Variants in NPEPPS observed in about 807,000 individuals in gnomAD.
The protein encoded by NPEPPS is aminopeptidase puromycin sensitive.
Under a neutral mutation model 115.5 loss-of-function variants are expected in NPEPPS, and 14 were observed. That is an observed-to-expected ratio of 0.12 (90% CI 0.08 to 0.19). The LOEUF is 0.19. NPEPPS is among the 10% of genes least tolerant of loss of function. NPEPPS has a pLI of 1.00. For synonymous variants in NPEPPS, 285 were observed against 390.6 expected (o/e 0.73, Z 3.19); for missense variants, 523 against 1,110.8 (o/e 0.47, Z 7.52).
chr17:47,596,114 C>A, intron 12 of NPEPPS: 1 of 325,424 alleles, frequency 3.1e-6, no homozygotes, highest in Non-Finnish European at 5.8e-6. Flanking sequence ...GATTATGCCA[C>A]TGCACTCTAG....
intron 1 of NPEPPS, among the ~76,000 whole-genome samples, chr17:47,538,893 GTGCCTTGTTGC>G (rs1241476646): frequency 6.6e-6 from 1 of 152,000 alleles, no homozygotes; most frequent in African/African-American, 2.4e-5. Context: ...GCTGCTTATT[GTGCCTTGTTGC>G]TGCCTGTTGT....
At chr17:47,581,024 A>C (rs1398832492) in intron 4 of NPEPPS, 1 of 152,216 alleles carries the variant, frequency 6.6e-6, no homozygotes, top group Non-Finnish European at 1.5e-5. Flanking sequence ...CATGAGTAAT[A>C]GGCCCAGCTC....
intron 6 of NPEPPS, 177 bp from the exon 7 acceptor site, chr17:47,585,971 A>G (rs1912150852): frequency 1.8e-6 from 1 of 567,908 alleles, no homozygotes; most frequent in Non-Finnish European, 3.1e-6. Flanking sequence ...AATGGATTAA[A>G]GTTTGGCCAT....
chr17:47,529,228 A>T (rs2611988), upstream of NPEPPS, among the ~76,000 whole-genome samples: 1 of 152,024 alleles, frequency 6.6e-6, no homozygotes, highest in African/African-American at 2.4e-5. Context: ...TAACATTTTT[A>T]AAATTGTTAT....
intron 2 of NPEPPS, among the ~76,000 whole-genome samples, chr17:47,554,338 C>G (rs1909859903): frequency 6.6e-6 from 1 of 151,888 alleles, no homozygotes. Context: ...CCGCGCCCAG[C>G]CAATATCTTC....
intron 5 of NPEPPS, among the ~76,000 whole-genome samples, chr17:47,583,365 G>A (rs1415732674): frequency 6.6e-6 from 1 of 151,988 alleles, no homozygotes; most frequent in Non-Finnish European, 1.5e-5. Context: ...TAGGCAGATC[G>A]CTTGAGGTCA....
chr17:47,611,983 G>GTTA (rs969946372), intron 17 of NPEPPS, among the ~76,000 whole-genome samples: 3 of 152,170 alleles, frequency 2.0e-5, no homozygotes, highest in African/African-American at 7.2e-5. Context: ...TGACTAATGT[G>GTTA]TTAAACATCT....
At chr17:47,589,007 C>G (rs1912351142) in intron 9 of NPEPPS, among the ~76,000 whole-genome samples, 1 of 152,304 alleles carries the variant, frequency 6.6e-6, no homozygotes, top group Admixed American at 6.5e-5. Flanking sequence ...GTCTTTACCT[C>G]TGGGCTCAAG....
intron 1 of NPEPPS, among the ~76,000 whole-genome samples, chr17:47,539,977 T>C (rs1908634273): frequency 6.6e-6 from 1 of 152,180 alleles, no homozygotes; most frequent in Non-Finnish European, 1.5e-5. Context: ...TCTCAGGACA[T>C]TGACAATCAG....
At chr17:47,618,506 T>A (rs762396828) in intron 20 of NPEPPS, 49 bp downstream of exon 20, 5 of 1,259,472 alleles carry the variant, frequency 4.0e-6, no homozygotes, top group South Asian at 3.6e-5. Flanking sequence ...TACCCATCTC[T>A]GAGAAGTGTC....
Position 47,542,505 on chromosome 17 carries a change from C to A in NPEPPS, c.256-3404C>A, listed in dbSNP as rs565871229. 1.4e-3 allele frequency among the ~76,000 whole-genome samples: 214 copies of A among 148,084 alleles called. 1 individual carries two copies. The highest frequency in any genetic ancestry group is 7.4e-4 in the Non-Finnish European group (50 of 67,526). On this transcript the variant is annotated intron_variant, in intron 1 of 22. Coordinates refer to ENST00000322157, the MANE Select transcript of NPEPPS (RefSeq NM_006310.4). ...AGGTTGCGGTGAGCCGAGATCACGC[C>A]ATTGCACTCCAGCCTGGGCAACAAG...
At chr17:47,529,401 G>A (rs566759203), upstream of NPEPPS, among the ~76,000 whole-genome samples, 3 of 143,182 alleles carry the variant, frequency 2.1e-5, no homozygotes, top group South Asian at 6.7e-4. Context: ...CCACACCTGG[G>A]CCCACTTTTT....
At position 47,606,600 on chromosome 17, in the gene NPEPPS, G is replaced by A. The variant is rs576284987; in HGVS notation, c.2095+1048G>A. Among the ~76,000 whole-genome samples, 65 of 151,994 alleles carry A rather than the reference G, an allele frequency of 4.3e-4. 2 individuals carry two copies. In the South Asian group the frequency reaches 0.012, roughly 29 times the overall value. ...AGCCTCCCGAGTAGCATACCACCAC[G>A]CCTGCCTAATTTTTGTATTTTTAGT... On this transcript the variant is annotated intron_variant, in intron 17 of 22. Coordinates refer to ENST00000322157, the MANE Select transcript of NPEPPS (RefSeq NM_006310.4).
intron 2 of NPEPPS, among the ~76,000 whole-genome samples, chr17:47,565,630 G>A (rs1233808401): frequency 2.6e-5 from 4 of 151,774 alleles, no homozygotes; most frequent in African/African-American, 9.7e-5. Context: ...GGCCAGCCTG[G>A]GCAACATGGT....
At chr17:47,534,938 C>T (rs1394495164) in intron 1 of NPEPPS, among the ~76,000 whole-genome samples, 2 of 151,886 alleles carry the variant, frequency 1.3e-5, no homozygotes, top group African/African-American at 4.8e-5. Flanking sequence ...AGTCCATGTT[C>T]AGTGATTTAA....
intron 2 of NPEPPS, among the ~76,000 whole-genome samples, chr17:47,567,239 A>G (rs1412754037): frequency 6.6e-6 from 1 of 152,226 alleles, no homozygotes; most frequent in African/African-American, 2.4e-5. Context: ...AAAATGAGGA[A>G]GATTTGATTA....
chr17:47,535,540 G>A (rs35794672), intron 1 of NPEPPS, among the ~76,000 whole-genome samples: 64,575 of 140,482 alleles, frequency 0.46, 15,512 homozygotes, highest in South Asian at 0.57. Context: ...ACAGAGCGAG[G>A]CTCCGTCTCA....
At chr17:47,575,339 C>T (rs1326720477) in intron 3 of NPEPPS, among the ~76,000 whole-genome samples, 2 of 151,920 alleles carry the variant, frequency 1.3e-5, no homozygotes, top group Non-Finnish European at 2.9e-5. Context: ...ATATTGGAGG[C>T]CATTTATTAT....
In NPEPPS at chr17:47,619,180, T is replaced by C. The variant is rs1271802169; in HGVS notation, c.2559+16T>C. 1 of 1,602,560 alleles carries C rather than the reference T, an allele frequency of 6.2e-7. No homozygotes were observed. The highest frequency in any genetic ancestry group is 1.7e-5 in the Admixed American group (1 of 58,410). ...ACTAATAAAGGTATGTGAAAAACTT[T>C]GAGTAGCTTGCTAATCATGGATATT... On this transcript the variant is annotated intron_variant, in intron 21 of 22. Transcript: ENST00000322157.
Sources: gnomAD v4.1 joint callset for allele counts (sites outside exome capture counted in the v4.1 genomes callset) on GRCh38, gnomAD v4.1.1 for gene constraint, MANE v1.5 for transcripts, NCBI Gene and HGNC (gene_info 2026-07-23, HGNC 2026-07-21) for gene names.